MTTP: variants seen among roughly 807,000 people sequenced by gnomAD.
The protein encoded by MTTP is microsomal triglyceride transfer protein.
MTTP carries 49 observed loss-of-function variants against 90.6 expected under a neutral mutation model. That is an observed-to-expected ratio of 0.54 (90% CI 0.43 to 0.69). The LOEUF (loss-of-function observed/expected upper bound fraction) is 0.69, where lower values mean the gene tolerates loss of function less well. Ranked by LOEUF, MTTP falls within the 30% of genes least tolerant of loss-of-function variation. The pLI is 0.00. For synonymous variants in MTTP, 347 were observed against 384.2 expected, an observed-to-expected ratio of 0.90 and a Z score of 1.13; for missense variants, 945 against 1,067.5, an observed-to-expected ratio of 0.89 and a Z score of 1.60.
intron 1 of MTTP, among the ~76,000 whole-genome samples, chr4:99,568,415 A>C (rs1447345194): frequency 2.0e-5 from 3 of 152,186 alleles, no homozygotes; most frequent in Non-Finnish European, 4.4e-5. Flanking sequence ...TCCAAAATGA[A>C]ATAGGTATAA....
chr4:99,574,017 G>A (rs1724894893), upstream of MTTP, among the ~76,000 whole-genome samples: 1 of 152,180 alleles, frequency 6.6e-6, no homozygotes, highest in African/African-American at 2.4e-5. Context: ...TAGGGTATTT[G>A]CTTTAATTCT....
At chr4:99,605,552 T>G (rs577671854) in intron 10 of MTTP, among the ~76,000 whole-genome samples, 3 of 152,242 alleles carry the variant, frequency 2.0e-5, no homozygotes, top group African/African-American at 7.2e-5. Flanking sequence ...CAGGCACAGA[T>G]TTTTGCTATT....
At chr4:99,594,166 G>A (rs533378865) in intron 6 of MTTP, among the ~76,000 whole-genome samples, 1 of 152,294 alleles carries the variant, frequency 6.6e-6, no homozygotes, top group South Asian at 2.1e-4. Flanking sequence ...CCAGAGAAAA[G>A]CTGAATTCTC....
At chr4:99,615,396 A>G (rs1726074437) in intron 15 of MTTP, among the ~76,000 whole-genome samples, 1 of 152,230 alleles carries the variant, frequency 6.6e-6, no homozygotes. Context: ...ATTATCTTGT[A>G]CAGTTTTTCT....
chr4:99,600,433 TC>T, intron 8 of MTTP, 131 bp from the exon 9 acceptor site: 1 of 929,082 alleles, frequency 1.1e-6, no homozygotes, highest in Non-Finnish European at 1.7e-6. Context: ...AATCATTTTT[TC>T]ATTTGTTCAA....
In MTTP at chr4:99,619,020, G is replaced by C. The variant is rs184378155; in HGVS notation, c.2264G>C (p.Gly755Ala). The C allele has an allele frequency of 8.1e-6, 13 of 1,613,582 alleles. No individual in the cohort carries two copies. The Admixed American group carries it at 2.2e-4, about 27-fold the overall frequency. ...SGLKANIEVQGGLAIDISGAM... is the reference protein window; with the variant it reads ...SGLKANIEVQAGLAIDISGAM... ...CTAAAAGCCAATATAGAGGTCCAGG[G>C]TGGTCTAGCTATTGATATTTCAGGT... is the stretch of plus-strand genomic sequence containing the variant. The change falls in exon 16 of 18, where the codon GGT (glycine) becomes GCT (alanine). Residue 755 changes from glycine (G) to alanine (A), a missense_variant. Coordinates refer to ENST00000265517, the MANE Select transcript of MTTP (RefSeq NM_001386140.1).
At chr4:99,571,444 T>A (rs1724840600), upstream of MTTP, among the ~76,000 whole-genome samples, 1 of 151,964 alleles carries the variant, frequency 6.6e-6, no homozygotes, top group African/African-American at 2.4e-5. Context: ...ATGCTAGCAA[T>A]TCAGTTTTGT....
At chr4:99,571,321 G>A (rs187903132), upstream of MTTP, among the ~76,000 whole-genome samples, 7 of 151,468 alleles carry the variant, frequency 4.6e-5, no homozygotes, top group African/African-American at 4.8e-5. Context: ...TTATATTTTA[G>A]GTTTTGAAAT....
intron 12 of MTTP, 151 bp from the exon 13 acceptor site, chr4:99,610,992 C>A: frequency 2.7e-6 from 2 of 743,736 alleles, no homozygotes; most frequent in Non-Finnish European, 4.7e-6. Context: ...CTGATGCTAC[C>A]ACGCCAGCTG....
intron 3 of MTTP, 195 bp downstream of exon 3, chr4:99,583,712 A>G: frequency 1.5e-6 from 1 of 665,784 alleles, no homozygotes; most frequent in Non-Finnish European, 2.6e-6. Flanking sequence ...TACATTTACT[A>G]GCCAATTTGT....
At chr4:99,582,459 A>G (rs987105091) in intron 2 of MTTP, among the ~76,000 whole-genome samples, 1 of 152,212 alleles carries the variant, frequency 6.6e-6, no homozygotes, top group East Asian at 1.9e-4. Flanking sequence ...AGAGGAGATC[A>G]GTTAGGAGGT....
At chr4:99,583,711 T>C in intron 3 of MTTP, 194 bp downstream of exon 3, 1 of 671,150 alleles carries the variant, frequency 1.5e-6, no homozygotes, top group Non-Finnish European at 2.6e-6. Context: ...TTACATTTAC[T>C]AGCCAATTTG....
chr4:99,566,720 C>T (rs1233942534), intron 1 of MTTP, among the ~76,000 whole-genome samples: 1 of 152,152 alleles, frequency 6.6e-6, no homozygotes, highest in Non-Finnish European at 1.5e-5. Context: ...TAAAATATGT[C>T]TGTGGGCTAT....
chr4:99,611,405 C>G lies in MTTP; in HGVS notation c.1941C>G (p.Asn647Lys), dbSNP rs1398515422. 6 of 1,614,008 alleles carry G rather than the reference C, an allele frequency of 3.7e-6. No homozygotes were observed. Among genetic ancestry groups the G allele is most frequent in the Non-Finnish European group, 3.4e-6 (4 of 1,179,950 alleles). Reference protein sequence around the residue: ...YSGSGILRRSNLNIFQYIGKA... With the variant: ...YSGSGILRRSKLNIFQYIGKA... ...GTTCTGGCATTCTAAGGAGAAGTAA[C>G]CTGAACATCTTTCAGTACATTGGGA... The change falls in exon 14 of 18, where the codon AAC (asparagine) becomes AAG (lysine). Residue 647 changes from asparagine (N) to lysine (K), a missense_variant. Transcript: ENST00000265517.
Position 99,564,216 on chromosome 4 carries a change from G to C in MTTP, c.-123G>C, listed in dbSNP as rs1337470506. The C allele has an allele frequency of 2.6e-6, 4 of 1,535,602 alleles. No homozygotes were observed. In the South Asian group the frequency reaches 4.8e-5, roughly 18 times the overall value. On this transcript the variant is annotated 5_prime_UTR_variant, in exon 1 of 19. Transcript: ENST00000457717. ...AAGAATTAAGTGTGTACCTGCAGACGTGTATTCATTCATATATTCTTGTGA... is the reference window on the plus strand; with the variant it reads ...AAGAATTAAGTGTGTACCTGCAGACCTGTATTCATTCATATATTCTTGTGA...
chr4:99,584,248 T>C (rs1725201114), intron 3 of MTTP: 1 of 152,088 alleles, frequency 6.6e-6, no homozygotes, highest in African/African-American at 2.4e-5. Flanking sequence ...AAATTACAGA[T>C]AGTGTGTTGA....
At chr4:99,581,026 C>G (rs950164587) in intron 1 of MTTP, among the ~76,000 whole-genome samples, 1 of 152,160 alleles carries the variant, frequency 6.6e-6, no homozygotes, top group African/African-American at 2.4e-5. Context: ...ACCCCATTAG[C>G]ATTGAGGAAT....
chr4:99,567,427 A>G (rs1325593388), intron 1 of MTTP, among the ~76,000 whole-genome samples: 1 of 152,218 alleles, frequency 6.6e-6, no homozygotes, highest in Non-Finnish European at 1.5e-5. Flanking sequence ...TGGGAAGACA[A>G]CAGATCATCT....
upstream of MTTP, among the ~76,000 whole-genome samples, chr4:99,574,132 C>G (rs1023556587): frequency 1.1e-4 from 17 of 152,206 alleles, no homozygotes; most frequent in Non-Finnish European, 2.5e-4. Flanking sequence ...AGGACTGCAT[C>G]CAGCCTGTTT....
Sources: gnomAD v4.1 joint callset for allele counts (sites outside exome capture counted in the v4.1 genomes callset) on GRCh38, gnomAD v4.1.1 for gene constraint, MANE v1.5 for transcripts, NCBI Gene and HGNC (gene_info 2026-07-23, HGNC 2026-07-21) for gene names.